Variants in LRRC69 observed in about 807,000 individuals in gnomAD.
The protein encoded by LRRC69 is leucine rich repeat containing 69.
In LRRC69, 42 loss-of-function variants were observed where a neutral mutation model predicts 37.8. The observed-to-expected ratio is 1.11, with a 90% confidence interval of 0.87 to 1.44. LRRC69 has a LOEUF of 1.44. LRRC69 is among the 40% of genes most tolerant of loss of function. The probability of loss-of-function intolerance (pLI) is 0.00; values close to 1 mark genes in which losing one functional copy is unlikely to be tolerated. For synonymous variants in LRRC69, 141 were observed against 143.1 expected (o/e 0.99, Z 0.11); for missense variants, 357 against 401.9 (o/e 0.89, Z 0.96).
chr8:91,164,616 T>G (rs1808998615), intron 5 of LRRC69, among the ~76,000 whole-genome samples: 1 of 151,740 alleles, frequency 6.6e-6, no homozygotes, highest in Admixed American at 6.6e-5. Flanking sequence ...TAATAATATT[T>G]TTTGAAAACT....
At chr8:91,148,468 A>T (rs1808665015) in intron 5 of LRRC69, among the ~76,000 whole-genome samples, 2 of 151,818 alleles carry the variant, frequency 1.3e-5, no homozygotes, top group Non-Finnish European at 2.9e-5. Flanking sequence ...ACATTTTCTT[A>T]ATCCAGTCTA....
chr8:91,114,648 A>G (rs1813476118), intron 1 of LRRC69, among the ~76,000 whole-genome samples: 1 of 152,084 alleles, frequency 6.6e-6, no homozygotes, highest in Non-Finnish European at 1.5e-5. Flanking sequence ...TCAGTACAGT[A>G]ACATGCTGTA....
At chr8:91,148,888 G>GA (rs768747149) in intron 5 of LRRC69, among the ~76,000 whole-genome samples, 23 of 152,044 alleles carry the variant, frequency 1.5e-4, no homozygotes, top group Non-Finnish European at 2.8e-4. Context: ...CTTCTTTTGA[G>GA]AAATGTCTGT....
chr8:91,119,739 T>G (rs947792673), intron 1 of LRRC69, among the ~76,000 whole-genome samples: 1 of 152,052 alleles, frequency 6.6e-6, no homozygotes, highest in Non-Finnish European at 1.5e-5. Flanking sequence ...TGACTTTGTT[T>G]CATATTTCCG....
chr8:91,127,188 T>TACA (rs1813732005), intron 3 of LRRC69, 28 bp downstream of exon 3: 1 of 1,505,162 alleles, frequency 6.6e-7, no homozygotes, highest in Admixed American at 2.0e-5. Flanking sequence ...AAGACTTGGT[T>TACA]AACAATCGTG....
intron 4 of LRRC69, among the ~76,000 whole-genome samples, chr8:91,134,803 A>T (rs1813879328): frequency 6.6e-6 from 1 of 152,010 alleles, no homozygotes; most frequent in Non-Finnish European, 1.5e-5. Flanking sequence ...GCCTTTCCTG[A>T]CCTCCTAATA....
At chr8:91,135,487 A>C (rs941692923) in intron 4 of LRRC69, among the ~76,000 whole-genome samples, 181 bp from the exon 5 acceptor site, 1 of 152,032 alleles carries the variant, frequency 6.6e-6, no homozygotes, top group African/African-American at 2.4e-5. Flanking sequence ...GAAGAATTCA[A>C]AGAGCTGGCA....
At chr8:91,206,576 T>A in intron 7 of LRRC69, 1 of 775,436 alleles carries the variant, frequency 1.3e-6, no homozygotes, top group Non-Finnish European at 1.8e-6. Context: ...CATCCTGCTT[T>A]CCACTGGTGA....
chr8:91,157,687 C>G, intron 5 of LRRC69: 1 of 1,596,298 alleles, frequency 6.3e-7, no homozygotes, highest in Non-Finnish European at 8.6e-7. Flanking sequence ...CTGATCATTA[C>G]ACAGGCGGCA....
At chr8:91,107,063 A>G (rs1156715794) in intron 1 of LRRC69, among the ~76,000 whole-genome samples, 1 of 151,298 alleles carries the variant, frequency 6.6e-6, no homozygotes, top group Non-Finnish European at 1.5e-5. Context: ...CAGCCTCCCA[A>G]AGTGCTGGGA....
intron 5 of LRRC69, among the ~76,000 whole-genome samples, chr8:91,165,467 G>T (rs1468722144): frequency 6.6e-6 from 1 of 151,720 alleles, no homozygotes; most frequent in Non-Finnish European, 1.5e-5. Flanking sequence ...TACTGTAGTT[G>T]CTTGTTTCAG....
chr8:91,209,700 C>T (rs896313408), intron 7 of LRRC69, among the ~76,000 whole-genome samples: 12 of 152,088 alleles, frequency 7.9e-5, no homozygotes, highest in Non-Finnish European at 1.5e-4. Flanking sequence ...GAGTTTAATG[C>T]TGTGATTAGG....
chr8:91,151,678 T>A (rs748008206), intron 5 of LRRC69, among the ~76,000 whole-genome samples: 15 of 151,706 alleles, frequency 9.9e-5, no homozygotes, highest in Non-Finnish European at 1.8e-4. Flanking sequence ...GATTGCTGGG[T>A]CAAATGGTAT....
chr8:91,121,755 T>A (rs1447999820), intron 1 of LRRC69, among the ~76,000 whole-genome samples: 3 of 152,134 alleles, frequency 2.0e-5, no homozygotes, highest in Non-Finnish European at 4.4e-5. Context: ...GTCTTATGCA[T>A]GCAATGAATA....
intron 1 of LRRC69, among the ~76,000 whole-genome samples, chr8:91,117,545 A>C (rs1034382043): frequency 6.7e-6 from 1 of 149,404 alleles, no homozygotes; most frequent in Admixed American, 6.7e-5. Context: ...AGAAGCCGAA[A>C]CTAACAAGAT....
chr8:91,137,879 T>C (rs1490581747), intron 5 of LRRC69, among the ~76,000 whole-genome samples: 1 of 152,192 alleles, frequency 6.6e-6, no homozygotes, highest in East Asian at 1.9e-4. Context: ...AGAGTAAGTT[T>C]CAAAATAATG....
chr8:91,206,745 G>A, intron 7 of LRRC69: 2 of 1,289,692 alleles, frequency 1.6e-6, no homozygotes. Flanking sequence ...GGTACTGAGT[G>A]TGCATCTGGT....
chr8:91,160,331 A>G (rs1404432334), intron 5 of LRRC69, among the ~76,000 whole-genome samples: 5 of 150,252 alleles, frequency 3.3e-5, no homozygotes, highest in African/African-American at 7.3e-5. Flanking sequence ...AGATAATGTC[A>G]TCTGCAAATA....
chr8:91,192,964 G>GC (rs1554595925), intron 6 of LRRC69, among the ~76,000 whole-genome samples: 1 of 152,116 alleles, frequency 6.6e-6, no homozygotes, highest in Non-Finnish European at 1.5e-5. Flanking sequence ...TTCTTCTAGG[G>GC]TTTTTTACGG....
Sources: gnomAD v4.1 joint callset for allele counts (sites outside exome capture counted in the v4.1 genomes callset) on GRCh38, gnomAD v4.1.1 for gene constraint, MANE v1.5 for transcripts, NCBI Gene and HGNC (gene_info 2026-07-23, HGNC 2026-07-21) for gene names.